BBS9: variants seen among roughly 807,000 people sequenced by gnomAD.
BBS9 encodes the protein protein PTHB1.
BBS9 carries 89 observed loss-of-function variants against 117.7 expected under a neutral mutation model. The observed-to-expected ratio is 0.76, with a 90% CI of 0.64 to 0.90. The LOEUF (loss-of-function observed/expected upper bound fraction) is 0.90, where lower values mean the gene tolerates loss of function less well. Among genes scored for constraint, BBS9 ranks in the 40% least tolerant of loss-of-function variants. The probability of loss-of-function intolerance (pLI) is 0.00; values close to 1 mark genes in which losing one functional copy is unlikely to be tolerated. For missense variants in BBS9, 982 were observed against 1,042.2 expected (o/e 0.94, Z 0.80); for synonymous variants, 379 against 370.9 (o/e 1.02, Z -0.25).
chr7:33,376,044 T>C (rs1584550200), intron 17 of BBS9, among the ~76,000 whole-genome samples: 1 of 152,174 alleles, frequency 6.6e-6, no homozygotes, highest in African/African-American at 2.4e-5. Context: ...AAAAAAACTT[T>C]TAGGTTCAGG....
intron 21 of BBS9, among the ~76,000 whole-genome samples, chr7:33,571,177 CAAAA>C (rs1857719043): frequency 6.6e-6 from 1 of 152,008 alleles, no homozygotes. Context: ...TTATTTAAAA[CAAAA>C]AAGTTTATAA....
chr7:33,129,309 G>A (rs1001763120), upstream of BBS9: 3 of 549,746 alleles, frequency 5.5e-6, no homozygotes, highest in East Asian at 6.1e-5. Context: ...TGCCCCCGGA[G>A]CCCAGGCAGG....
chr7:33,554,754 A>G (rs1585236595), intron 21 of BBS9, among the ~76,000 whole-genome samples: 1 of 152,182 alleles, frequency 6.6e-6, no homozygotes, highest in Non-Finnish European at 1.5e-5. Context: ...CAGTCTATAT[A>G]TGGTATTTGA....
chr7:33,506,389 A>G (rs979340426), intron 20 of BBS9, among the ~76,000 whole-genome samples: 4 of 152,206 alleles, frequency 2.6e-5, no homozygotes, highest in African/African-American at 4.8e-5. Context: ...AGGGGAAATC[A>G]TTTCAAATCC....
intron 5 of BBS9, among the ~76,000 whole-genome samples, chr7:33,238,294 G>T (rs1469190290): frequency 1.3e-5 from 2 of 151,714 alleles, no homozygotes; most frequent in Non-Finnish European, 2.9e-5. Context: ...TTCCTCAAAG[G>T]TCTTTTTTTT....
At chr7:33,624,212 G>A (rs1865538568) in intron 21 of BBS9, among the ~76,000 whole-genome samples, 1 of 152,068 alleles carries the variant, frequency 6.6e-6, no homozygotes, top group African/African-American at 2.4e-5. Context: ...GGCTATTTTA[G>A]TTTTCTAAAT....
intron 20 of BBS9, among the ~76,000 whole-genome samples, chr7:33,525,707 G>A: frequency 7.9e-6 from 1 of 126,016 alleles, no homozygotes; most frequent in Non-Finnish European, 1.6e-5. Context: ...TATCCAATTT[G>A]CCAGTCTGTG....
chr7:33,212,536 C>T (rs1209269240), intron 5 of BBS9, among the ~76,000 whole-genome samples: 1 of 152,096 alleles, frequency 6.6e-6, no homozygotes, highest in Non-Finnish European at 1.5e-5. Flanking sequence ...CTCTGTTTCT[C>T]TGGGATTGGT....
At chr7:33,337,020 G>A (rs1022684297) in intron 10 of BBS9, among the ~76,000 whole-genome samples, 15 of 152,144 alleles carry the variant, frequency 9.9e-5, no homozygotes, top group Non-Finnish European at 1.3e-4. Flanking sequence ...AGAAACCAAA[G>A]CACATGAGCT....
At chr7:33,397,463 A>G (rs1254948925) in intron 19 of BBS9, among the ~76,000 whole-genome samples, 3 of 152,196 alleles carry the variant, frequency 2.0e-5, no homozygotes, top group Admixed American at 1.3e-4. Flanking sequence ...CAATCCCATT[A>G]CTGAGTATAT....
At chr7:33,355,629 A>C (rs1819480788) in intron 15 of BBS9, among the ~76,000 whole-genome samples, 2 of 151,928 alleles carry the variant, frequency 1.3e-5, no homozygotes. Context: ...GATATTCTGG[A>C]GGGGCTCTAC....
At chr7:33,161,676 G>T (rs910443931) in intron 4 of BBS9, among the ~76,000 whole-genome samples, 1 of 152,208 alleles carries the variant, frequency 6.6e-6, no homozygotes, top group African/African-American at 2.4e-5. Flanking sequence ...TCTGGTTACA[G>T]ATCCTTGAGG....
intron 19 of BBS9, among the ~76,000 whole-genome samples, chr7:33,486,334 C>T (rs1240973281): frequency 6.6e-6 from 1 of 152,090 alleles, no homozygotes; most frequent in East Asian, 1.9e-4. Flanking sequence ...GAAATCTCCT[C>T]GGAGAGGAAG....
At chr7:33,408,716 G>T (rs943444857) in intron 19 of BBS9, among the ~76,000 whole-genome samples, 1 of 151,970 alleles carries the variant, frequency 6.6e-6, no homozygotes, top group Non-Finnish European at 1.5e-5. Context: ...TTTTCCTTTG[G>T]GTCTGTACTC....
chr7:33,227,162 A>AT (rs1398333185), intron 5 of BBS9, among the ~76,000 whole-genome samples: 8 of 145,062 alleles, frequency 5.5e-5, no homozygotes, highest in Non-Finnish European at 9.3e-5. Context: ...TACAGCCATC[A>AT]ATTTTTTTTT....
chr7:33,332,732 T>G (rs1376457904), intron 9 of BBS9, among the ~76,000 whole-genome samples: 1 of 152,028 alleles, frequency 6.6e-6, no homozygotes, highest in Non-Finnish European at 1.5e-5. Context: ...AAAAACAAGA[T>G]TGAAGGCTTT....
chr7:33,297,971 A>G (rs1197042352), intron 9 of BBS9, among the ~76,000 whole-genome samples: 1 of 152,106 alleles, frequency 6.6e-6, no homozygotes, highest in Non-Finnish European at 1.5e-5. Flanking sequence ...AAATTTTATT[A>G]CAGCCTTTTC....
In BBS9 at chr7:33,193,359, T is replaced by C. The variant is rs544112621; in HGVS notation, c.442+15768T>C. Reference sequence around the variant, plus strand: ...ATGTTTTTAGAGACCTTTGTTCTGATTCTTGGTTCTGTTTTTCTTCATCTG... The same window carrying C: ...ATGTTTTTAGAGACCTTTGTTCTGACTCTTGGTTCTGTTTTTCTTCATCTG... On this transcript the variant is annotated intron_variant, in intron 5 of 22. Transcript: ENST00000242067. 2.6e-5 allele frequency among the ~76,000 whole-genome samples: 4 copies of C among 152,160 alleles called. No homozygotes were observed. The East Asian group carries it at 7.7e-4, about 29-fold the overall frequency.
At chr7:33,554,873 A>G (rs761986904) in intron 21 of BBS9, among the ~76,000 whole-genome samples, 4 of 152,176 alleles carry the variant, frequency 2.6e-5, no homozygotes, top group African/African-American at 7.2e-5. Context: ...AAGAGCCAAC[A>G]TCGGAAATTG....
Sources: allele counts gnomAD v4.1 joint callset (sites outside exome capture counted in the v4.1 genomes callset), GRCh38; gene constraint gnomAD v4.1.1; transcripts MANE v1.5; gene names NCBI Gene and HGNC (gene_info 2026-07-23, HGNC 2026-07-21).